Variants in ZNF317 observed in about 807,000 individuals in gnomAD.
ZNF317 encodes zinc finger protein 317.
Under a neutral mutation model 23.4 loss-of-function variants are expected in ZNF317, and 17 were observed. That is an observed-to-expected ratio of 0.73 (90% confidence interval 0.50 to 1.09). ZNF317 has a LOEUF of 1.09. Among genes scored for constraint, ZNF317 ranks in the 50% least tolerant of loss-of-function variants. The pLI, the probability that ZNF317 is intolerant of heterozygous loss-of-function variation, is 0.00. For missense variants in ZNF317, 679 were observed against 796.7 expected, an observed-to-expected ratio of 0.85 and a Z score of 1.78; for synonymous variants, 317 against 314.9, an observed-to-expected ratio of 1.01 and a Z score of -0.07.
intron 1 of ZNF317, among the ~76,000 whole-genome samples, chr19:9,147,305 T>C (rs2050691923): frequency 6.6e-6 from 1 of 150,476 alleles, no homozygotes; most frequent in East Asian, 1.9e-4. Context: ...AACTCATCCA[T>C]GGTGACAGCA....
At position 9,153,207 on chromosome 19, in the gene ZNF317, G is replaced by A. The variant is rs374336961; in HGVS notation, c.-92-2718G>A. Among the ~76,000 whole-genome samples, 357 of 152,192 alleles carry A rather than the reference G, an allele frequency of 2.3e-3. 3 individuals carry two copies. The highest frequency in any genetic ancestry group is 8.5e-3 in the African/African-American group (351 of 41,508). On this transcript the variant is annotated intron_variant, in intron 1 of 6. Coordinates refer to ENST00000247956, the MANE Select transcript of ZNF317 (RefSeq NM_020933.5). ...GACTGAGTCTCGCTCTCTCACCCAG[G>A]CTAGAGTGTGATGGCACGATCTCAG...
At chr19:9,153,764 T>C (rs145914687) in intron 1 of ZNF317, among the ~76,000 whole-genome samples, 80 of 152,202 alleles carry the variant, frequency 5.3e-4, no homozygotes, top group African/African-American at 1.8e-3. Flanking sequence ...TCAAAGAAAA[T>C]AGACACCACA....
chr19:9,156,888 G>A, intron 3 of ZNF317, 140 bp downstream of exon 3: 1 of 1,070,334 alleles, frequency 9.3e-7, no homozygotes, highest in South Asian at 1.6e-5. Context: ...AAGGAATATT[G>A]GGGCTGTCCT....
In ZNF317 at chr19:9,160,410, C is replaced by T. The variant is rs574622465; in HGVS notation, c.765C>T (p.Cys255=). The T allele has an allele frequency of 2.3e-5, 37 of 1,614,142 alleles. No individual in the cohort carries two copies. The highest frequency in any genetic ancestry group is 3.3e-4 in the Middle Eastern group (2 of 6,062). The part of the protein sequence containing the change: ...TGEKPYECSD[C]GKAFNDPSAL... ...AGAAGCCTTACGAGTGCAGCGACTG[C>T]GGGAAAGCCTTCAACGACCCTTCAG... Residue 255 remains cysteine, a synonymous_variant, in exon 7 of 7, where the codon TGC becomes TGT. Coordinates refer to ENST00000247956, the MANE Select transcript of ZNF317 (RefSeq NM_020933.5). The surrounding 1 kb of genome is among the most constrained non-coding windows in gnomAD (Gnocchi z 6.8).
chr19:9,151,613 G>A (rs1002749501), intron 1 of ZNF317, among the ~76,000 whole-genome samples: 2 of 151,926 alleles, frequency 1.3e-5, no homozygotes, highest in Non-Finnish European at 2.9e-5. Context: ...CCTCACCAAT[G>A]TATTGTGGTT....
chr19:9,146,909 C>G (rs1183461600), intron 1 of ZNF317, among the ~76,000 whole-genome samples: 1 of 152,126 alleles, frequency 6.6e-6, no homozygotes, highest in East Asian at 1.9e-4. Flanking sequence ...GAATTATGGT[C>G]CTGAGAAAGC....
chr19:9,159,297 C>T (rs1234129866), intron 6 of ZNF317, among the ~76,000 whole-genome samples: 1 of 152,208 alleles, frequency 6.6e-6, no homozygotes, highest in African/African-American at 2.4e-5. Context: ...CAACCTCTGC[C>T]TCCCAGGCTC....
chr19:9,144,555 C>A (rs1222540300), intron 1 of ZNF317, among the ~76,000 whole-genome samples: 2 of 149,736 alleles, frequency 1.3e-5, no homozygotes, highest in Admixed American at 6.6e-5. Context: ...CTAAATAATT[C>A]TTACCCATGC....
intron 5 of ZNF317, 110 bp downstream of exon 5, chr19:9,158,185 C>T: frequency 3.0e-6 from 4 of 1,347,700 alleles, no homozygotes; most frequent in Non-Finnish European, 9.7e-7. Context: ...AGAGATGCTC[C>T]TTCCCTCTTT....
chr19:9,156,100 T>C, intron 2 of ZNF317, 59 bp downstream of exon 2: 6 of 1,602,674 alleles, frequency 3.7e-6, no homozygotes, highest in Non-Finnish European at 5.1e-6. Context: ...CCCTGCCACT[T>C]GATGGGGTGA....
Position 9,161,629 on chromosome 19 carries a change from G to T in ZNF317, c.*196G>T, listed in dbSNP as rs1289854147. 2 of 716,526 alleles carry T rather than the reference G, an allele frequency of 2.8e-6. No homozygotes were observed. Among genetic ancestry groups the T allele is most frequent in the Admixed American group, 6.1e-5 (2 of 32,752 alleles). 44.4% of individuals were successfully genotyped at this position (716,526 alleles called of 1,614,324 possible). A position where few individuals can be genotyped will look rare whatever the true frequency, so the allele number is the denominator to read the frequency against. On this transcript the variant is annotated 3_prime_UTR_variant, in exon 7 of 7. Transcript: ENST00000247956. The surrounding 1 kb of genome is among the most constrained non-coding windows in gnomAD (Gnocchi z 4.0). ...AGGTTTGTGAGAACTCACGCCGGGG[G>T]TGAAAATGTACGTCTGTAGCATGGA...
chr19:9,160,917 G>A lies in ZNF317; in HGVS notation c.1272G>A (p.Gly424=), dbSNP rs2050845710. 1.2e-6 allele frequency: 2 copies of A among 1,614,036 alleles called. No individual in the cohort carries two copies. The highest frequency in any genetic ancestry group is 1.7e-6 in the Non-Finnish European group (2 of 1,180,034). The change falls in exon 7 of 7, where the codon GGG becomes GGA. Residue 424 remains glycine (G), a synonymous_variant. Coordinates refer to ENST00000247956, the MANE Select transcript of ZNF317 (RefSeq NM_020933.5). This position sits in a 1 kb window ranked among gnomAD's most constrained non-coding sequence, Gnocchi z 6.8. ...VKKPVECRQC[G]KTFRNQSILK... The stretch of plus-strand genomic sequence containing the variant: ...AACCCGTGGAATGTCGGCAGTGCGG[G>A]AAGACCTTCCGAAACCAGTCCATCC...
chr19:9,158,356 CTTTTTTCTTTTTTTTTT>C (rs2050808933), intron 5 of ZNF317, among the ~76,000 whole-genome samples: 1 of 74,876 alleles, frequency 1.3e-5, no homozygotes, highest in African/African-American at 6.7e-5. Context: ...CCTTAAATTT[CTTTTTTCTTTTTTTTTT>C]TTTTTTTTTT....
rs145091857 is a variant in ZNF317, at chr19:9,160,981, T to C, written c.1336T>C (p.Tyr446His). ...GAACTCTCACACTGGAGAGAAACCATACGGGTGCGATCTCTGCGGGAAAGC... is the reference window on the plus strand; with the variant it reads ...GAACTCTCACACTGGAGAGAAACCACACGGGTGCGATCTCTGCGGGAAAGC... ...HMNSHTGEKP[Y>H]GCDLCGKAFS... The change falls in exon 7 of 7, where the codon TAC (tyrosine) becomes CAC (histidine). Residue 446 changes from tyrosine (Y) to histidine (H), a missense_variant. Coordinates refer to ENST00000247956, the MANE Select transcript of ZNF317 (RefSeq NM_020933.5). This position sits in a 1 kb window ranked among gnomAD's most constrained non-coding sequence, Gnocchi z 6.8. 1 of 1,614,036 alleles carries C rather than the reference T, an allele frequency of 6.2e-7. No individual in the cohort carries two copies. The highest frequency in any genetic ancestry group is 8.5e-7 in the Non-Finnish European group (1 of 1,180,034).
intron 6 of ZNF317, 140 bp from the exon 7 acceptor site, chr19:9,159,974 A>T: frequency 8.1e-7 from 1 of 1,233,862 alleles, no homozygotes; most frequent in Non-Finnish European, 1.1e-6. Flanking sequence ...CAGGGACAGC[A>T]CGTTTGCACG....
At chr19:9,147,217 C>T (rs1260458831) in intron 1 of ZNF317, among the ~76,000 whole-genome samples, 1 of 151,982 alleles carries the variant, frequency 6.6e-6, no homozygotes, top group East Asian at 1.9e-4. Flanking sequence ...AATAGAACTG[C>T]TTTCACCATG....
At chr19:9,152,107 C>T (rs978543126) in intron 1 of ZNF317, among the ~76,000 whole-genome samples, 8 of 151,934 alleles carry the variant, frequency 5.3e-5, no homozygotes, top group Non-Finnish European at 1.2e-4. Context: ...GGGGTTTTAC[C>T]GTGTTAGCCA....
rs2050877419 is a variant in ZNF317 at position 9,163,087 on chromosome 19, C to G, written c.*1654C>G. On this transcript the variant is annotated 3_prime_UTR_variant, in exon 7 of 7. Transcript: ENST00000247956. ...TGCAGCTGGTACCATCCATGTCTCA[C>G]AGCCCTGGCCACTGACAGATCAGCA... is the stretch of plus-strand genomic sequence containing the variant. The G allele has an allele frequency of 6.6e-6, 1 of 152,244 alleles. No individual in the cohort carries two copies. The highest frequency in any genetic ancestry group is 2.4e-5 in the African/African-American group (1 of 41,458). The allele number at this position is 152,244 out of a possible 1,614,324, so 9.4% of individuals were successfully genotyped here.
intron 1 of ZNF317, among the ~76,000 whole-genome samples, chr19:9,151,695 T>C (rs958643816): frequency 2.0e-5 from 3 of 152,216 alleles, no homozygotes; most frequent in Non-Finnish European, 2.9e-5. Context: ...TTCTGTAAAT[T>C]TGGAGAAATG....
Sources: gnomAD v4.1 joint callset for allele counts (sites outside exome capture counted in the v4.1 genomes callset) on GRCh38, gnomAD v4.1.1 for gene constraint, Gnocchi (gnomAD v3.1) non-coding constraint, MANE v1.5 for transcripts, NCBI Gene and HGNC (gene_info 2026-07-23, HGNC 2026-07-21) for gene names.